Variants in CCDC88A observed in about 807,000 individuals in gnomAD.
CCDC88A encodes girdin.
CCDC88A carries 54 observed loss-of-function variants against 234.3 expected under a neutral mutation model. The observed-to-expected ratio is 0.23, with a 90% CI of 0.19 to 0.29. The LOEUF (loss-of-function observed/expected upper bound fraction) is 0.29, where lower values mean the gene tolerates loss of function less well. Among genes scored for constraint, CCDC88A ranks in the 10% least tolerant of loss-of-function variants. The pLI is 1.00. For synonymous variants in CCDC88A, 753 were observed against 737.8 expected, an observed-to-expected ratio of 1.02 and a Z score of -0.33; for missense variants, 1,832 against 2,123.4, an observed-to-expected ratio of 0.86 and a Z score of 2.70.
chr2:55,347,971 T>TG (rs141974578), intron 9 of CCDC88A, among the ~76,000 whole-genome samples: 9,172 of 151,726 alleles, frequency 0.06, 887 homozygotes, highest in African/African-American at 0.2. Context: ...TAATGACTTT[T>TG]TTTTTTCCTT....
At chr2:55,331,512 C>T (rs994746050) in intron 16 of CCDC88A, among the ~76,000 whole-genome samples, 2 of 151,986 alleles carry the variant, frequency 1.3e-5, no homozygotes, top group Non-Finnish European at 2.9e-5. Flanking sequence ...AATACTGGAA[C>T]AGTAATAATG....
intron 19 of CCDC88A, among the ~76,000 whole-genome samples, 178 bp downstream of exon 19, chr2:55,318,665 A>G (rs1683252390): frequency 6.6e-6 from 1 of 152,224 alleles, no homozygotes; most frequent in South Asian, 2.1e-4. Flanking sequence ...GACTGAATTT[A>G]TTAATATTTA....
At chr2:55,322,004 A>C (rs1324477409) in intron 18 of CCDC88A, among the ~76,000 whole-genome samples, 1 of 151,130 alleles carries the variant, frequency 6.6e-6, no homozygotes, top group East Asian at 1.9e-4. Flanking sequence ...TTGAAGGGTA[A>C]GTATTTGTTG....
chr2:55,338,959 T>A (rs1332965197), intron 13 of CCDC88A: 1 of 146,622 alleles, frequency 6.8e-6, no homozygotes, highest in Non-Finnish European at 1.5e-5. Flanking sequence ...TGCTTATTCT[T>A]TTTTTTTTTT....
chr2:55,367,186 G>A (rs1672100182), intron 5 of CCDC88A, among the ~76,000 whole-genome samples: 1 of 152,128 alleles, frequency 6.6e-6, no homozygotes, highest in South Asian at 2.1e-4. Flanking sequence ...TTTATATGAG[G>A]TACCTAGAAC....
rs192254794 is a variant in CCDC88A, at chr2:55,317,859, G to T, written c.3325-18C>A. 8 of 1,496,138 alleles carry T rather than the reference G, an allele frequency of 5.3e-6. No homozygotes were observed. The Admixed American group carries it at 1.4e-4, about 26-fold the overall frequency. 92.7% of individuals were successfully genotyped at this position (1,496,138 alleles called of 1,614,324 possible). On this transcript the variant is annotated intron_variant, in intron 19 of 32. Coordinates refer to ENST00000436346, the MANE Select transcript of CCDC88A (RefSeq NM_001365480.1). This position sits in a 1 kb window ranked among gnomAD's most constrained non-coding sequence, Gnocchi z 4.2. The stretch of plus-strand genomic sequence containing the variant: ...TTTTCAACCTATAAGAATATATATT[G>T]TTATCAGACATAAGAAAAACAGTTC...
At chr2:55,339,376 C>G in intron 13 of CCDC88A, 88 bp downstream of exon 13, 1 of 1,139,566 alleles carries the variant, frequency 8.8e-7, no homozygotes, top group Non-Finnish European at 1.2e-6. Context: ...ATTGAGCGTG[C>G]ATTTAAAAAG....
intron 18 of CCDC88A, 84 bp from the exon 19 acceptor site, chr2:55,319,088 AAT>A (rs1230893078): frequency 1.5e-5 from 16 of 1,097,500 alleles, no homozygotes; most frequent in Middle Eastern, 2.4e-4. Context: ...AATTTTATAC[AAT>A]GAGTATTTAT....
At position 55,317,164 on chromosome 2, in the gene CCDC88A, T is replaced by C. The variant is rs748817314; in HGVS notation, c.3746+42A>G. The C allele has an allele frequency of 2.1e-5, 18 of 875,240 alleles. No individual in the cohort carries two copies. Among genetic ancestry groups the C allele is most frequent in the African/African-American group, 5.3e-5 (3 of 57,098 alleles). The allele number at this position is 875,240 out of a possible 1,614,324, so 54.2% of individuals were successfully genotyped here. Reference sequence around the variant, plus strand: ...ATATACACATATATATGTATATACTTTCTATATAAAATGTTTGTTATATAT... The same window carrying C: ...ATATACACATATATATGTATATACTCTCTATATAAAATGTTTGTTATATAT... On this transcript the variant is annotated intron_variant, in intron 21 of 32. Transcript: ENST00000436346. The surrounding 1 kb of genome is among the most constrained non-coding windows in gnomAD (Gnocchi z 4.2).
chr2:55,295,399 T>C (rs1558616337), intron 31 of CCDC88A, 198 bp downstream of exon 31: 2 of 1,546,730 alleles, frequency 1.3e-6, no homozygotes, highest in Non-Finnish European at 8.7e-7. Context: ...TTTGCCAACA[T>C]TCCGAATGCA....
intron 3 of CCDC88A, among the ~76,000 whole-genome samples, chr2:55,387,779 CAAAAAAAAAAAAAA>C (rs66479611): frequency 6.2e-5 from 4 of 64,852 alleles, no homozygotes; most frequent in African/African-American, 2.2e-4. Flanking sequence ...GGCTCCATCT[CAAAAAAAAAAAAAA>C]AAAAAAGAAA....
chr2:55,351,581 A>G (rs1669893209), intron 8 of CCDC88A, among the ~76,000 whole-genome samples: 1 of 152,178 alleles, frequency 6.6e-6, no homozygotes, highest in South Asian at 2.1e-4. Context: ...CCTGAGCTCA[A>G]GCAATCCTCT....
chr2:55,328,178 G>C lies in CCDC88A; in HGVS notation c.2997+116C>G. 2.4e-6 allele frequency: 2 copies of C among 818,152 alleles called. No homozygotes were observed. The highest frequency in any genetic ancestry group is 3.7e-5 in the South Asian group (2 of 53,746). 50.7% of individuals were successfully genotyped at this position (818,152 alleles called of 1,614,324 possible). ...TATTCTCAAGTTTATGAAAAAGGAAGAAATAGACTAAATATCAATAAAATG... is the reference window on the plus strand; with the variant it reads ...TATTCTCAAGTTTATGAAAAAGGAACAAATAGACTAAATATCAATAAAATG... On this transcript the variant is annotated intron_variant, in intron 17 of 32. Transcript: ENST00000436346. This position sits in a 1 kb window ranked among gnomAD's most constrained non-coding sequence, Gnocchi z 4.3.
chr2:55,402,985 G>A (rs1448718293), intron 2 of CCDC88A, among the ~76,000 whole-genome samples: 2 of 151,904 alleles, frequency 1.3e-5, no homozygotes, highest in Non-Finnish European at 2.9e-5. Flanking sequence ...CTCCAGCCTG[G>A]GCAACTGAGC....
chr2:55,299,052 T>A (rs1480360873), intron 29 of CCDC88A, among the ~76,000 whole-genome samples: 1 of 151,964 alleles, frequency 6.6e-6, no homozygotes, highest in Non-Finnish European at 1.5e-5. Context: ...ATACAAAAAA[T>A]TAGCTGGGTG....
chr2:55,304,238 T>G (rs1356477968), intron 25 of CCDC88A, among the ~76,000 whole-genome samples: 1 of 152,100 alleles, frequency 6.6e-6, no homozygotes, highest in Non-Finnish European at 1.5e-5. Context: ...TTCAAGGCTA[T>G]AGTGAGCTAT....
intron 7 of CCDC88A, among the ~76,000 whole-genome samples, chr2:55,359,960 C>T (rs1337709345): frequency 2.6e-5 from 4 of 152,028 alleles, no homozygotes; most frequent in Non-Finnish European, 4.4e-5. Flanking sequence ...AAAGGTATTA[C>T]AGTATTATGT....
chr2:55,343,595 A>G, intron 12 of CCDC88A, 53 bp downstream of exon 12: 1 of 1,419,164 alleles, frequency 7.0e-7, no homozygotes, highest in Admixed American at 2.0e-5. Flanking sequence ...AAGTAAACAT[A>G]AATACAACTT....
At position 55,290,311 on chromosome 2, in the gene CCDC88A, ACTT is replaced by A. The variant is rs1380444079; in HGVS notation, c.*886_*888del. ...TTTACATTATTTTTGCCATAAGAAA[ACTT>A]CTTAAGCAACAGTCAGCTCTCAAGT... On this transcript the variant is annotated 3_prime_UTR_variant, in exon 33 of 33. Coordinates refer to ENST00000436346, the MANE Select transcript of CCDC88A (RefSeq NM_001365480.1). 1 of 152,152 alleles carries A rather than the reference ACTT, an allele frequency of 6.6e-6. No homozygotes were observed. The highest frequency in any genetic ancestry group is 2.4e-5 in the African/African-American group (1 of 41,438). 9.4% of individuals were successfully genotyped at this position (152,152 alleles called of 1,614,324 possible). A position where few individuals can be genotyped will look rare whatever the true frequency, so the allele number is the denominator to read the frequency against.
Sources: gnomAD v4.1 joint callset for allele counts (sites outside exome capture counted in the v4.1 genomes callset) on GRCh38, gnomAD v4.1.1 for gene constraint, Gnocchi (gnomAD v3.1) non-coding constraint, MANE v1.5 for transcripts, NCBI Gene and HGNC (gene_info 2026-07-23, HGNC 2026-07-21) for gene names.